The following GBF1 variants were observed in gnomAD, a reference collection of about 807,000 sequenced individuals.
GBF1 encodes the protein Golgi-specific brefeldin A-resistance guanine nucleotide exchange factor 1.
GBF1 carries 114 observed loss-of-function variants against 210.5 expected under a neutral mutation model. That is an observed-to-expected ratio of 0.54 (90% CI 0.47 to 0.63). The LOEUF (loss-of-function observed/expected upper bound fraction) is 0.63, where lower values mean the gene tolerates loss of function less well. Among genes scored for constraint, GBF1 ranks in the 30% least tolerant of loss-of-function variants. The pLI is 0.00. For missense variants in GBF1, 1,851 were observed against 2,357.7 expected, an observed-to-expected ratio of 0.79 and a Z score of 4.45; for synonymous variants, 850 against 889.2, an observed-to-expected ratio of 0.96 and a Z score of 0.78.
intron 30 of GBF1, 53 bp from the exon 31 acceptor site, chr10:102,376,219 A>G: frequency 7.0e-7 from 1 of 1,428,672 alleles, no homozygotes; most frequent in Non-Finnish European, 9.8e-7. Flanking sequence ...TTTATCCCTC[A>G]TCCCAGTGCC....
At chr10:102,336,520 T>G (rs2057758229) in intron 3 of GBF1, among the ~76,000 whole-genome samples, 1 of 152,108 alleles carries the variant, frequency 6.6e-6, no homozygotes. Flanking sequence ...ATACGCTCAG[T>G]GAATGTTAGT....
intron 3 of GBF1, among the ~76,000 whole-genome samples, chr10:102,319,550 A>C (rs2056188081): frequency 6.6e-6 from 1 of 151,854 alleles, no homozygotes; most frequent in Non-Finnish European, 1.5e-5. Flanking sequence ...TTCCATTTTT[A>C]TCTCTTCCTA....
At position 102,347,254 on chromosome 10, in the gene GBF1, T is replaced by C. The variant is rs184931440; in HGVS notation, c.295+3072T>C. Among the ~76,000 whole-genome samples, 358 of 152,332 alleles carry C rather than the reference T, an allele frequency of 2.4e-3. 1 individual carries two copies. Among genetic ancestry groups the C allele is most frequent in the Admixed American group, 6.9e-3 (106 of 15,302 alleles). On this transcript the variant is annotated intron_variant, in intron 4 of 39. Coordinates refer to ENST00000369983, the MANE Select transcript of GBF1 (RefSeq NM_001377137.1). ...CCCTTTATTCTAGAAATGTTGGATT[T>C]GCTTAGCTGATGCATTCAGGATCCT...
rs1174743189 is a variant in GBF1 at position 102,274,699 on chromosome 10, A to ATTTTTTTTTT, written c.163+14604_163+14613dup. The stretch of plus-strand genomic sequence containing the variant: ...TGAAGTCTACAGGTGCAAAACAAAG[A>ATTTTTTTTTT]TTTTTTTTTTTTTTTTTTTTTTTTT... On this transcript the variant is annotated intron_variant, in intron 3 of 39. Coordinates refer to ENST00000369983, the MANE Select transcript of GBF1 (RefSeq NM_001377137.1). 8.4e-5 allele frequency among the ~76,000 whole-genome samples: 6 copies of ATTTTTTTTTT among 71,730 alleles called. 1 individual carries two copies. The highest frequency in any genetic ancestry group is 3.3e-4 in the African/African-American group (5 of 15,378). The allele number at this position is 71,730 out of a possible 152,430, so 47.1% of individuals were successfully genotyped here. A position where few individuals can be genotyped will look rare whatever the true frequency, so the allele number is the denominator to read the frequency against.
chr10:102,379,568 G>A lies in GBF1; in HGVS notation c.4693G>A (p.Ala1565Thr). The A allele has an allele frequency of 1.2e-6, 2 of 1,614,052 alleles. No individual in the cohort carries two copies. Among genetic ancestry groups the A allele is most frequent in the Non-Finnish European group, 1.7e-6 (2 of 1,179,926 alleles). ...TGCCCGGCGCCAGGTACGGATGCAG[G>A]CACTGACCTATCTGCAGCGAGCACT... ...CDARRQVRMQ[A>T]LTYLQRALLV... Residue 1565 changes from alanine (A) to threonine (T), a missense_variant, in exon 35 of 40, where the codon GCA becomes ACA. Ala to Thr is a moderately conservative substitution (Grantham distance 58, BLOSUM62 0). Around this residue, in one of 3 missense-constraint regions of GBF1, gnomAD observed 967 missense variants for 1,247.7 expected, o/e 0.78. Coordinates refer to ENST00000369983, the MANE Select transcript of GBF1 (RefSeq NM_001377137.1).
intron 3 of GBF1, among the ~76,000 whole-genome samples, chr10:102,336,934 T>A (rs1464454838): frequency 6.6e-6 from 1 of 152,208 alleles, no homozygotes; most frequent in Non-Finnish European, 1.5e-5. Flanking sequence ...CTGCTGCTTA[T>A]ACACAAAGAG....
chr10:102,302,775 A>G (rs2077495748), intron 3 of GBF1, among the ~76,000 whole-genome samples: 1 of 152,076 alleles, frequency 6.6e-6, no homozygotes, highest in Admixed American at 6.6e-5. Flanking sequence ...TGATTGTCAT[A>G]TCTCAGGCAT....
Position 102,254,218 on chromosome 10 carries a change from C to T in GBF1, c.-10-4711C>T, listed in dbSNP as rs2072019730. ...TTTTGTTTCTTGTTTAGGTACTTCT[C>T]CCTTATGCTGAGTTTATAAAAATAC... On this transcript the variant is annotated intron_variant, in intron 1 of 39. Coordinates refer to ENST00000369983, the MANE Select transcript of GBF1 (RefSeq NM_001377137.1). 3.3e-5 allele frequency among the ~76,000 whole-genome samples: 5 copies of T among 152,048 alleles called. No individual in the cohort carries two copies. The South Asian group carries it at 1.0e-3, about 32-fold the overall frequency.
intron 4 of GBF1, among the ~76,000 whole-genome samples, chr10:102,345,590 T>C (rs1462810547): frequency 7.9e-6 from 1 of 126,070 alleles, no homozygotes; most frequent in Non-Finnish European, 1.5e-5. Context: ...GAAGTTACAG[T>C]GAGCCAAGAT....
At chr10:102,277,791 T>G (rs951856211) in intron 3 of GBF1, among the ~76,000 whole-genome samples, 2 of 152,212 alleles carry the variant, frequency 1.3e-5, no homozygotes, top group Non-Finnish European at 2.9e-5. Context: ...ATTGATACAA[T>G]AATTTACTAT....
chr10:102,262,982 G>A (rs527466773), intron 3 of GBF1, among the ~76,000 whole-genome samples: 1 of 152,296 alleles, frequency 6.6e-6, no homozygotes, highest in African/African-American at 2.4e-5. Context: ...GCCAACAGCT[G>A]TGGCATGTCT....
intron 1 of GBF1, among the ~76,000 whole-genome samples, chr10:102,252,480 G>GA (rs1165169365): frequency 1.1e-4 from 17 of 152,162 alleles, no homozygotes; most frequent in African/African-American, 4.1e-4. Flanking sequence ...ACAAGAGTGA[G>GA]AAAAAACATT....
intron 3 of GBF1, among the ~76,000 whole-genome samples, chr10:102,283,039 C>T (rs2075638320): frequency 6.6e-6 from 1 of 152,068 alleles, no homozygotes; most frequent in African/African-American, 2.4e-5. Context: ...GAGGTGGAAA[C>T]TATTGAGGTA....
chr10:102,289,975 G>A (rs545277322), intron 3 of GBF1, among the ~76,000 whole-genome samples: 1 of 152,150 alleles, frequency 6.6e-6, no homozygotes, highest in African/African-American at 2.4e-5. Flanking sequence ...GCTGGGCGTG[G>A]TGGCAAGTGC....
At chr10:102,294,460 C>A (rs2076749094) in intron 3 of GBF1, among the ~76,000 whole-genome samples, 1 of 151,334 alleles carries the variant, frequency 6.6e-6, no homozygotes, top group East Asian at 1.9e-4. Context: ...TGGCTCACTG[C>A]AACCTTCGCC....
At chr10:102,288,722 G>GAAAAAAAAAA (rs1348947076) in intron 3 of GBF1, among the ~76,000 whole-genome samples, 4 of 83,686 alleles carry the variant, frequency 4.8e-5, no homozygotes, top group African/African-American at 5.2e-5. Flanking sequence ...CGTCTCAAAG[G>GAAAAAAAAAA]AAAAAAAAAA....
chr10:102,311,431 T>C (rs542495486), intron 3 of GBF1, among the ~76,000 whole-genome samples: 1 of 152,266 alleles, frequency 6.6e-6, no homozygotes, highest in Admixed American at 6.5e-5. Context: ...ACAGGAAATA[T>C]AGGTGAAGAG....
At position 102,367,543 on chromosome 10, in the gene GBF1, C is replaced by A; in HGVS notation, c.2625C>A (p.Asp875Glu). The A allele has an allele frequency of 1.3e-6, 2 of 1,584,470 alleles. No individual in the cohort carries two copies. Among genetic ancestry groups the A allele is most frequent in the Non-Finnish European group, 1.7e-6 (2 of 1,152,926 alleles). ...ACTTTGAGCAAGACATCCTGGAGGA[C>A]ATGTACCATGCCATCAAGTGAGTAT... ...GKDFEQDILE[D>E]MYHAIKNEEI... Residue 875 changes from aspartate to glutamate, a missense_variant, in exon 21 of 40, where the codon GAC becomes GAA. Asp to Glu is a conservative substitution (Grantham distance 45). Transcript: ENST00000369983.
In GBF1 at chr10:102,369,587, C is replaced by T. The variant is rs1273722288; in HGVS notation, c.3151-124C>T. The T allele has an allele frequency of 3.1e-6, 3 of 957,282 alleles. No homozygotes were observed. In the East Asian group the frequency reaches 7.8e-5, roughly 25 times the overall value. 59.3% of individuals were successfully genotyped at this position (957,282 alleles called of 1,614,324 possible). A position where few individuals can be genotyped will look rare whatever the true frequency, so the allele number is the denominator to read the frequency against. ...GGCTGGTAGATGCCATTGCCAGTCA[C>T]CAATTGGCACAATAGCATAGGGGCA... is the stretch of plus-strand genomic sequence containing the variant. On this transcript the variant is annotated intron_variant, in intron 24 of 39. Transcript: ENST00000369983.
Sources: gnomAD v4.1 joint callset for allele counts (sites outside exome capture counted in the v4.1 genomes callset) on GRCh38, gnomAD v4.1.1 for gene constraint, gnomAD v4.1.1 regional missense constraint, MANE v1.5 for transcripts, NCBI Gene and HGNC (gene_info 2026-07-23, HGNC 2026-07-21) for gene names.